Variants in PLD5 observed in about 807,000 individuals in gnomAD.
The protein encoded by PLD5 is inactive phospholipase D5.
PLD5 carries 36 observed loss-of-function variants against 61.1 expected under a neutral mutation model. That is an observed-to-expected ratio of 0.59 (90% CI 0.45 to 0.78). The LOEUF is 0.78. Ranked by LOEUF, PLD5 falls within the 30% of genes least tolerant of loss-of-function variation. The probability of loss-of-function intolerance (pLI) is 0.00; values close to 1 mark genes in which losing one functional copy is unlikely to be tolerated. For synonymous variants in PLD5, 243 were observed against 242.8 expected (o/e 1.00, Z -0.01); for missense variants, 515 against 644.4 (o/e 0.80, Z 2.17).
chr1:242,307,284 TC>T (rs1337876992), intron 2 of PLD5, among the ~76,000 whole-genome samples: 1 of 152,022 alleles, frequency 6.6e-6, no homozygotes, highest in East Asian at 1.9e-4. Flanking sequence ...TAGAAACTAT[TC>T]CTAGAAAAAT....
At chr1:242,117,992 G>A (rs1415478867) in intron 6 of PLD5, among the ~76,000 whole-genome samples, 2 of 151,874 alleles carry the variant, frequency 1.3e-5, no homozygotes, top group African/African-American at 4.8e-5. Flanking sequence ...ATTTGTTTCA[G>A]TTAGGAACTC....
At chr1:242,202,402 G>A (rs1210437299) in intron 5 of PLD5, among the ~76,000 whole-genome samples, 2 of 152,122 alleles carry the variant, frequency 1.3e-5, no homozygotes, top group Non-Finnish European at 2.9e-5. Context: ...AGCTTACAAT[G>A]TGTAAGCTTT....
At chr1:242,100,603 G>T in intron 9 of PLD5, 65 bp downstream of exon 9, 2 of 1,197,340 alleles carry the variant, frequency 1.7e-6, no homozygotes, top group Non-Finnish European at 2.5e-6. Context: ...ATACCGTGGA[G>T]CACAGCTGGA....
At chr1:242,267,657 A>C (rs1673771526) in intron 3 of PLD5, among the ~76,000 whole-genome samples, 1 of 151,722 alleles carries the variant, frequency 6.6e-6, no homozygotes, top group South Asian at 2.1e-4. Context: ...AGGTGGAAGA[A>C]TCACTTGACC....
intron 1 of PLD5, among the ~76,000 whole-genome samples, chr1:242,366,110 C>G (rs940482711): frequency 1.3e-5 from 2 of 152,110 alleles, no homozygotes; most frequent in Non-Finnish European, 2.9e-5. Context: ...TATATTGATA[C>G]AAGAAGCAGA....
chr1:242,524,811 C>T (rs1295073393), upstream of PLD5: 1 of 150,924 alleles, frequency 6.6e-6, no homozygotes, highest in Non-Finnish European at 1.5e-5. Flanking sequence ...GAGGAGCCGC[C>T]GCCGCCCCTC....
At chr1:242,125,363 C>A (rs1479090181) in intron 5 of PLD5, among the ~76,000 whole-genome samples, 1 of 152,012 alleles carries the variant, frequency 6.6e-6, no homozygotes, top group East Asian at 1.9e-4. Flanking sequence ...ATTTTGTCCA[C>A]CTCTCTCAAG....
At chr1:242,264,905 C>T (rs1673572505) in intron 4 of PLD5, among the ~76,000 whole-genome samples, 1 of 152,126 alleles carries the variant, frequency 6.6e-6, no homozygotes, top group Non-Finnish European at 1.5e-5. Context: ...ACTCATGAAT[C>T]AGGCAATGTT....
Position 242,089,397 on chromosome 1 carries a change from T to TCGGTGGTCGCCG in PLD5, c.*456_*457insCGGCGACCACCG. The TCGGTGGTCGCCG allele has an allele frequency of 2.4e-6, 1 of 411,994 alleles. No homozygotes were observed. 25.5% of individuals were successfully genotyped at this position (411,994 alleles called of 1,614,324 possible). A position where few individuals can be genotyped will look rare whatever the true frequency, so the allele number is the denominator to read the frequency against. ...TCATGCTTAGCTGACTGTGTAGGTC[T>TCGGTGGTCGCCG]TGGAGACGATTTACAAGAATAAACA... On this transcript the variant is annotated 3_prime_UTR_variant, in exon 10 of 10. Coordinates refer to ENST00000536534, the MANE Select transcript of PLD5 (RefSeq NM_001372062.1).
chr1:242,308,239 T>C (rs1324101758), intron 2 of PLD5, among the ~76,000 whole-genome samples: 1 of 152,058 alleles, frequency 6.6e-6, no homozygotes, highest in African/African-American at 2.4e-5. Flanking sequence ...TATGAAAAAC[T>C]TCAATCTTGC....
intron 2 of PLD5, among the ~76,000 whole-genome samples, chr1:242,288,766 G>C (rs537687117): frequency 6.7e-4 from 102 of 152,244 alleles, no homozygotes; most frequent in South Asian, 4.1e-3. Flanking sequence ...TCACATTTCA[G>C]AAAATAACAG....
In PLD5 at chr1:242,395,220, G is replaced by C. The variant is rs559366884; in HGVS notation, c.190-46978C>G. Among the ~76,000 whole-genome samples the C allele has an allele frequency of 3.0e-4, 45 of 151,750 alleles. No individual in the cohort carries two copies. In the South Asian group the frequency reaches 9.1e-3, roughly 31 times the overall value. On this transcript the variant is annotated intron_variant, in intron 1 of 9. Transcript: ENST00000536534. ...ATAGAAATCAAAATTCATTTTTAAA[G>C]TTTTACTTCATAGGCAGCAAGTAGC...
At chr1:242,198,877 G>A (rs1668815653) in intron 5 of PLD5, among the ~76,000 whole-genome samples, 1 of 152,092 alleles carries the variant, frequency 6.6e-6, no homozygotes, top group Non-Finnish European at 1.5e-5. Context: ...TGGGATTACA[G>A]GCATGTGCCA....
rs1668786905 is a variant in PLD5 at position 242,198,587 on chromosome 1, C to T, written c.735+21401G>A. The stretch of plus-strand genomic sequence containing the variant: ...GAGAGGGACTCTCCCCAGACCTGTG[C>T]TAACAAGACTGCCACTAGTCACAGG... On this transcript the variant is annotated intron_variant, in intron 5 of 9. Transcript: ENST00000536534. Among the ~76,000 whole-genome samples, 3 of 149,296 alleles carry T rather than the reference C, an allele frequency of 2.0e-5. No homozygotes were observed. In the Admixed American group the frequency reaches 2.0e-4, roughly 10 times the overall value.
At chr1:242,136,226 T>C (rs1663716948) in intron 5 of PLD5, among the ~76,000 whole-genome samples, 1 of 152,230 alleles carries the variant, frequency 6.6e-6, no homozygotes, top group Non-Finnish European at 1.5e-5. Flanking sequence ...GTTCACCATG[T>C]CGCTCAACCT....
intron 4 of PLD5, among the ~76,000 whole-genome samples, chr1:242,231,646 G>C (rs895148336): frequency 6.6e-6 from 1 of 152,046 alleles, no homozygotes; most frequent in Non-Finnish European, 1.5e-5. Flanking sequence ...AGAATTCTTC[G>C]GGACATTTAC....
chr1:242,192,370 C>G (rs1387266276), intron 5 of PLD5: 1 of 152,336 alleles, frequency 6.6e-6, no homozygotes, highest in Non-Finnish European at 1.5e-5. Context: ...AGTCTCCTTT[C>G]TGGTCACCCC....
intron 1 of PLD5, 61 bp from the exon 2 acceptor site, chr1:242,348,303 A>G: frequency 5.3e-6 from 8 of 1,515,890 alleles, no homozygotes; most frequent in Non-Finnish European, 7.1e-6. Flanking sequence ...GGGAAACTCA[A>G]GAAGTGACAA....
At chr1:242,215,615 C>A (rs1377855621) in intron 5 of PLD5, among the ~76,000 whole-genome samples, 3 of 152,106 alleles carry the variant, frequency 2.0e-5, no homozygotes, top group Admixed American at 2.0e-4. Context: ...TGCTTCCACA[C>A]CCCCTCGGGT....
Sources: allele counts gnomAD v4.1 joint callset (sites outside exome capture counted in the v4.1 genomes callset), GRCh38; gene constraint gnomAD v4.1.1; transcripts MANE v1.5; gene names NCBI Gene and HGNC (gene_info 2026-07-23, HGNC 2026-07-21).